DPAGT1: variants seen among roughly 807,000 people sequenced by gnomAD.
DPAGT1 encodes UDP-N-acetylglucosamine--dolichyl-phosphate N-acetylglucosaminephosphotransferase.
In DPAGT1, 25 loss-of-function variants were observed where a neutral mutation model predicts 39.3. The observed-to-expected ratio is 0.64, with a 90% CI of 0.46 to 0.89. The LOEUF is 0.89. Among genes scored for constraint, DPAGT1 ranks in the 40% least tolerant of loss-of-function variants. DPAGT1 has a pLI of 0.00. For synonymous variants in DPAGT1, 193 were observed against 201.4 expected (o/e 0.96, Z 0.36); for missense variants, 381 against 500.6 (o/e 0.76, Z 2.28).
In DPAGT1 at chr11:119,098,487, C is replaced by T; in HGVS notation, c.644G>A (p.Gly215Asp). 1.2e-6 allele frequency: 2 copies of T among 1,614,096 alleles called. No individual in the cohort carries two copies. The highest frequency in any genetic ancestry group is 1.3e-5 in the African/African-American group (1 of 75,022). ...AAAGACATGATCATCCCGACAATCA[C>T]CTTTGGAAGCAAGGAAGAAAGAAGG... ...IIVFNLVELE[G>D]DCRDDHVFSL... The change falls in exon 5 of 9, where the codon GGT (glycine) becomes GAT (aspartate). Residue 215 changes from glycine (G) to aspartate (D), a missense_variant and splice_region_variant. By Grantham distance (94) the Gly-to-Asp change is moderately conservative. Transcript: ENST00000354202.
downstream of DPAGT1, chr11:119,095,437 G>T: frequency 1.4e-6 from 2 of 1,458,546 alleles, no homozygotes; most frequent in Admixed American, 2.8e-5. Flanking sequence ...TCAAACACTA[G>T]AACAGACGCC....
chr11:119,095,005 G>C (rs1210756059), downstream of DPAGT1: 1 of 1,612,914 alleles, frequency 6.2e-7, no homozygotes. Flanking sequence ...TGCCGCCCGA[G>C]GGCGCCTTCG....
Position 119,101,582 on chromosome 11 carries a change from G to A in DPAGT1, c.74C>T (p.Thr25Ile). ...LIVSLLGFVATVTLIPAFRGH... is the reference protein window; with the variant it reads ...LIVSLLGFVAIVTLIPAFRGH... ...CCGGAAGGCCGGGATGAGGGTGACT[G>A]TGGCCACAAATCCCAGCAGCGAGAC... The change falls in exon 1 of 9, where the codon ACA becomes ATA. Residue 25 changes from threonine (T) to isoleucine (I), a missense_variant. Physicochemically the swap from Thr to Ile is moderately conservative, Grantham distance 89. Transcript: ENST00000354202. 1 of 1,614,278 alleles carries A rather than the reference G, an allele frequency of 6.2e-7. No homozygotes were observed. Among genetic ancestry groups the A allele is most frequent in the Non-Finnish European group, 8.5e-7 (1 of 1,180,046 alleles).
In DPAGT1 at chr11:119,096,841, A is replaced by G; in HGVS notation, c.*157T>C. 1 of 898,346 alleles carries G rather than the reference A, an allele frequency of 1.1e-6. No homozygotes were observed. The highest frequency in any genetic ancestry group is 1.8e-6 in the Non-Finnish European group (1 of 565,110). 55.6% of individuals were successfully genotyped at this position (898,346 alleles called of 1,614,324 possible). Reference sequence around the variant, plus strand: ...GAGGGCAAGAAACGCCCAGGATGCCAATGATCACAGAGAAAGGAAAATGCT... The same window carrying G: ...GAGGGCAAGAAACGCCCAGGATGCCGATGATCACAGAGAAAGGAAAATGCT... On this transcript the variant is annotated 3_prime_UTR_variant, in exon 9 of 9. Transcript: ENST00000354202.
chr11:119,097,415 C>T lies in DPAGT1; in HGVS notation c.1005+49G>A, dbSNP rs763140128. On this transcript the variant is annotated intron_variant, in intron 7 of 8. Coordinates refer to ENST00000354202, the MANE Select transcript of DPAGT1 (RefSeq NM_001382.4). This position sits in a 1 kb window ranked among gnomAD's most constrained non-coding sequence, Gnocchi z 4.6. ...ATGTAGGACTAGGTTCCCCATTCCT[C>T]AAGGTCAGGATGGCAGCCTAGGGCC... 1 of 1,612,904 alleles carries T rather than the reference C, an allele frequency of 6.2e-7. No homozygotes were observed. The highest frequency in any genetic ancestry group is 1.1e-5 in the South Asian group (1 of 91,044).
downstream of DPAGT1, chr11:119,095,550 C>A: frequency 2.5e-6 from 2 of 811,040 alleles, no homozygotes; most frequent in South Asian, 4.4e-5. Context: ...CTCCAATACC[C>A]GCCTCCGGTT....
At position 119,097,385 on chromosome 11, in the gene DPAGT1, A is replaced by G; in HGVS notation, c.1005+79T>C. The G allele has an allele frequency of 1.2e-6, 2 of 1,612,660 alleles. No homozygotes were observed. Among genetic ancestry groups the G allele is most frequent in the East Asian group, 2.2e-5 (1 of 44,880 alleles). On this transcript the variant is annotated intron_variant, in intron 7 of 8. Coordinates refer to ENST00000354202, the MANE Select transcript of DPAGT1 (RefSeq NM_001382.4). The surrounding 1 kb of genome is among the most constrained non-coding windows in gnomAD (Gnocchi z 4.6). ...TTTAATGCTTTCAAGTTCCCCTTGGATCTGATGTAGGACTAGGTTCCCCAT... is the reference window on the plus strand; with the variant it reads ...TTTAATGCTTTCAAGTTCCCCTTGGGTCTGATGTAGGACTAGGTTCCCCAT...
At chr11:119,100,472 T>C in intron 3 of DPAGT1, 64 bp from the exon 4 acceptor site, 4 of 1,612,628 alleles carry the variant, frequency 2.5e-6, no homozygotes, top group African/African-American at 1.3e-5. Flanking sequence ...TAAGAATTTT[T>C]AGAAAAGTGG....
downstream of DPAGT1, chr11:119,095,413 T>C (rs1236642201): frequency 7.3e-6 from 11 of 1,513,486 alleles, 1 homozygote; most frequent in South Asian, 1.4e-4. Context: ...GGTAGACCGG[T>C]GAAGCACGAC....
In DPAGT1 at chr11:119,101,835, C is replaced by G. The variant is rs1053539826; in HGVS notation, c.-180G>C. On this transcript the variant is annotated 5_prime_UTR_variant, in exon 1 of 9. Transcript: ENST00000354202. ...GCCGTCGGGACACCGGGGAACCTCT[C>G]TAAGGCAACCTATGTTCTGCCCCGC... is the stretch of plus-strand genomic sequence containing the variant. 7.9e-5 allele frequency: 116 copies of G among 1,477,624 alleles called. No individual in the cohort carries two copies. Among genetic ancestry groups the G allele is most frequent in the Non-Finnish European group, 9.2e-5 (103 of 1,116,470 alleles). 91.5% of individuals were successfully genotyped at this position (1,477,624 alleles called of 1,614,324 possible).
chr11:119,100,271 C>T lies in DPAGT1; in HGVS notation c.634G>A (p.Glu212Lys). ...CCCCAATCCCACCTACCTTCCAACT[C>T]TACCAGGTTGAAGACAATGATGGAA... ...SASIIVFNLV[E>K]LEGDCRDDHV... is the part of the protein sequence containing the mutation. Residue 212 changes from glutamate to lysine, a missense_variant, in exon 4 of 9, where the codon GAG becomes AAG. Physicochemically the swap from Glu to Lys is moderately conservative, Grantham distance 56. Transcript: ENST00000354202. The T allele has an allele frequency of 6.2e-7, 1 of 1,614,206 alleles. No homozygotes were observed. Among genetic ancestry groups the T allele is most frequent in the East Asian group, 2.2e-5 (1 of 44,886 alleles).
Position 119,100,361 on chromosome 11 carries a change from T to G in DPAGT1, c.544A>C (p.Asn182His). The part of the protein sequence containing the change: ...YMGLLAVFCT[N>H]AINILAGING... ...ATTCCTGCTAGGATATTGATGGCAT[T>G]GGTACAGAACACTGCCAGCAGCCCC... The change falls in exon 4 of 9, where the codon AAT becomes CAT. Residue 182 changes from asparagine to histidine, a missense_variant. Asn to His is a moderately conservative substitution (Grantham distance 68). Transcript: ENST00000354202. The G allele has an allele frequency of 6.2e-7, 1 of 1,614,162 alleles. No individual in the cohort carries two copies. Among genetic ancestry groups the G allele is most frequent in the East Asian group, 2.2e-5 (1 of 44,894 alleles).
intron 2 of DPAGT1, 37 bp downstream of exon 2, chr11:119,100,981 C>G: frequency 6.2e-7 from 1 of 1,614,178 alleles, no homozygotes; most frequent in South Asian, 1.1e-5. Flanking sequence ...CCTCCCAGGT[C>G]CCAGCCACAG....
Position 119,100,615 on chromosome 11 carries a change from G to T in DPAGT1, c.496+15C>A. On this transcript the variant is annotated intron_variant, in intron 3 of 8. Coordinates refer to ENST00000354202, the MANE Select transcript of DPAGT1 (RefSeq NM_001382.4). ...AAGTAGGTGCCATAGGGGCAGCAGT[G>T]GTAGGACTACCTACCCAAGTCCAGA... The T allele has an allele frequency of 6.2e-7, 1 of 1,613,822 alleles. No individual in the cohort carries two copies. Among genetic ancestry groups the T allele is most frequent in the South Asian group, 1.1e-5 (1 of 91,046 alleles).
In DPAGT1 at chr11:119,096,754, T is replaced by G; in HGVS notation, c.*244A>C. 5.2e-6 allele frequency: 3 copies of G among 575,464 alleles called. No individual in the cohort carries two copies. Among genetic ancestry groups the G allele is most frequent in the Non-Finnish European group, 9.3e-6 (3 of 323,412 alleles). 35.6% of individuals were successfully genotyped at this position (575,464 alleles called of 1,614,324 possible). On this transcript the variant is annotated 3_prime_UTR_variant, in exon 9 of 9. Transcript: ENST00000354202. ...ACCCTATGAGGCTGCAAAGATGGGA[T>G]GGAGAGGGAGAGAGTAGCAAGTTGC... is the stretch of plus-strand genomic sequence containing the variant.
At chr11:119,101,297 G>A in intron 1 of DPAGT1, 159 bp from the exon 2 acceptor site, 2 of 1,357,538 alleles carry the variant, frequency 1.5e-6, no homozygotes, top group Admixed American at 1.8e-5. Context: ...CACTGCCAGA[G>A]TCCCAGATAT....
chr11:119,094,769 G>A (rs1134734), downstream of DPAGT1: 199,395 of 593,862 alleles, frequency 0.34, 36,199 homozygotes, highest in East Asian at 0.48. Flanking sequence ...GGTGCGGGAC[G>A]GGAGCGGGGG....
At chr11:119,096,117 C>T (rs1946388570), downstream of DPAGT1, among the ~76,000 whole-genome samples, 1 of 152,146 alleles carries the variant, frequency 6.6e-6, no homozygotes, top group African/African-American at 2.4e-5. Context: ...AAGTGCTCCA[C>T]CACACTTGGC....
chr11:119,095,220 G>A, downstream of DPAGT1: 1 of 1,613,970 alleles, frequency 6.2e-7, no homozygotes, highest in African/African-American at 1.3e-5. Flanking sequence ...TCAGCGGTGA[G>A]GTACTCCAGC....
Sources: gnomAD v4.1 joint callset for allele counts (sites outside exome capture counted in the v4.1 genomes callset) on GRCh38, gnomAD v4.1.1 for gene constraint, Gnocchi (gnomAD v3.1) non-coding constraint, MANE v1.5 for transcripts, NCBI Gene and HGNC (gene_info 2026-07-23, HGNC 2026-07-21) for gene names.